Variants in MGAT5 observed in about 807,000 individuals in gnomAD.
The protein encoded by MGAT5 is alpha-1,6-mannosylglycoprotein 6-beta-N-acetylglucosaminyltransferase.
MGAT5 carries 30 observed loss-of-function variants against 94.3 expected under a neutral mutation model. The ratio of observed to expected loss-of-function variants is 0.32; its 90% CI spans 0.24 to 0.43. The LOEUF (loss-of-function observed/expected upper bound fraction) is 0.43. Among genes scored for constraint, MGAT5 ranks in the 20% least tolerant of loss-of-function variants. The pLI is 1.00. For synonymous variants in MGAT5, 310 were observed against 322.9 expected (o/e 0.96, Z 0.43); for missense variants, 691 against 905.5 (o/e 0.76, Z 3.04).
chr2:134,420,606 G>T (rs540568486), intron 12 of MGAT5, among the ~76,000 whole-genome samples: 93 of 151,140 alleles, frequency 6.2e-4, no homozygotes, highest in African/African-American at 2.2e-3. Flanking sequence ...AATTCCTCTA[G>T]CCCTGTGAGT....
At chr2:134,291,448 A>G (rs1360526021) in intron 2 of MGAT5, among the ~76,000 whole-genome samples, 1 of 152,204 alleles carries the variant, frequency 6.6e-6, no homozygotes, top group Non-Finnish European at 1.5e-5. Flanking sequence ...ATGAGAAATA[A>G]AAGTCTGTGG....
intron 12 of MGAT5, among the ~76,000 whole-genome samples, chr2:134,420,756 AT>A (rs1216534742): frequency 3.3e-5 from 5 of 152,134 alleles, no homozygotes; most frequent in African/African-American, 1.2e-4. Context: ...ATGAGATGAA[AT>A]TTGTAAATTA....
chr2:134,323,545 C>A (rs988081375), intron 4 of MGAT5, among the ~76,000 whole-genome samples: 1 of 152,080 alleles, frequency 6.6e-6, no homozygotes, highest in African/African-American at 2.4e-5. Flanking sequence ...GAGGTCAAGT[C>A]GCTTATCCCC....
intron 2 of MGAT5, among the ~76,000 whole-genome samples, chr2:134,286,962 G>T (rs1488792466): frequency 6.6e-6 from 1 of 152,154 alleles, no homozygotes; most frequent in Non-Finnish European, 1.5e-5. Context: ...GATGTTTCCT[G>T]TGCCTGGTGT....
At chr2:134,203,652 G>A (rs1679901793) in intron 1 of MGAT5, among the ~76,000 whole-genome samples, 1 of 152,016 alleles carries the variant, frequency 6.6e-6, no homozygotes, top group Non-Finnish European at 1.5e-5. Flanking sequence ...CCTTGAGCAA[G>A]TCACTCCACC....
intron 10 of MGAT5, among the ~76,000 whole-genome samples, chr2:134,392,563 G>A (rs1405088627): frequency 6.6e-6 from 1 of 152,138 alleles, no homozygotes; most frequent in Admixed American, 6.5e-5. Flanking sequence ...GGGAAGGAAG[G>A]AGCCCAAGAG....
intron 11 of MGAT5, among the ~76,000 whole-genome samples, chr2:134,407,342 T>C (rs1683401010): frequency 1.3e-5 from 2 of 152,146 alleles, no homozygotes; most frequent in South Asian, 4.2e-4. Flanking sequence ...TTCAAGTCAT[T>C]CCCATGCCAT....
chr2:134,446,619 T>G (rs1420813511), intron 15 of MGAT5, among the ~76,000 whole-genome samples: 1 of 152,190 alleles, frequency 6.6e-6, no homozygotes, highest in Non-Finnish European at 1.5e-5. Context: ...AAAAATTGAC[T>G]TCCTGCCCTC....
intron 1 of MGAT5, among the ~76,000 whole-genome samples, chr2:134,181,996 A>C (rs1688756371): frequency 6.6e-6 from 1 of 152,226 alleles, no homozygotes; most frequent in African/African-American, 2.4e-5. Context: ...GTGTGTGATC[A>C]CTAGGAGATT....
chr2:134,329,601 G>C (rs1478894642), intron 4 of MGAT5, among the ~76,000 whole-genome samples: 1 of 152,088 alleles, frequency 6.6e-6, no homozygotes, highest in Non-Finnish European at 1.5e-5. Context: ...TCTGGGGCAA[G>C]ACAGGTGGCA....
chr2:134,391,223 G>T (rs1682384293), intron 10 of MGAT5, among the ~76,000 whole-genome samples: 1 of 152,072 alleles, frequency 6.6e-6, no homozygotes, highest in Non-Finnish European at 1.5e-5. Flanking sequence ...TGCCGTTAGT[G>T]ATCTGCTTGA....
chr2:134,366,159 C>A (rs559994799), intron 10 of MGAT5, among the ~76,000 whole-genome samples: 2 of 152,304 alleles, frequency 1.3e-5, no homozygotes, highest in African/African-American at 4.8e-5. Flanking sequence ...TCTAATCATT[C>A]GCTCCTGCTA....
At chr2:134,275,707 T>G (rs1403916516) in intron 2 of MGAT5, among the ~76,000 whole-genome samples, 5 of 150,658 alleles carry the variant, frequency 3.3e-5, no homozygotes, top group African/African-American at 1.2e-4. Flanking sequence ...CTCAGCCTTC[T>G]GAGTAGCTGG....
intron 1 of MGAT5, among the ~76,000 whole-genome samples, chr2:134,176,405 C>G (rs116105242): frequency 0.01 from 1,537 of 151,970 alleles, 28 homozygotes; most frequent in African/African-American, 0.035. Context: ...AACCCCTTCT[C>G]TGTTAAAAAT....
At chr2:134,140,731 A>G (rs1182424361) in intron 1 of MGAT5, among the ~76,000 whole-genome samples, 1 of 152,228 alleles carries the variant, frequency 6.6e-6, no homozygotes, top group East Asian at 1.9e-4. Flanking sequence ...CCATTGATTT[A>G]TCTATTCATG....
At chr2:134,217,410 A>G (rs1680555669) in intron 1 of MGAT5, among the ~76,000 whole-genome samples, 2 of 152,146 alleles carry the variant, frequency 1.3e-5, no homozygotes, top group Admixed American at 6.5e-5. Context: ...TTTTCATTGT[A>G]TGTATGTGAA....
intron 2 of MGAT5, among the ~76,000 whole-genome samples, chr2:134,275,337 A>G (rs1243789592): frequency 1.3e-5 from 2 of 152,236 alleles, no homozygotes; most frequent in African/African-American, 4.8e-5. Context: ...CCCTTGTCAG[A>G]AGCTATTCTT....
intron 1 of MGAT5, among the ~76,000 whole-genome samples, chr2:134,172,629 T>TG (rs1688271879): frequency 1.3e-5 from 2 of 152,106 alleles, no homozygotes; most frequent in Admixed American, 6.5e-5. Flanking sequence ...CTCGTGATTC[T>TG]CCCGCCTCGA....
chr2:134,381,382 T>TTAGATAGATTAGA (rs1553457735), intron 10 of MGAT5, among the ~76,000 whole-genome samples: 5 of 108,512 alleles, frequency 4.6e-5, no homozygotes, highest in Admixed American at 3.0e-4. Context: ...ATAAGATAGA[T>TTAGATAGATTAGA]TAGATAGATA....
Sources: allele counts gnomAD v4.1 joint callset (sites outside exome capture counted in the v4.1 genomes callset), GRCh38; gene constraint gnomAD v4.1.1; transcripts MANE v1.5; gene names NCBI Gene and HGNC (gene_info 2026-07-23, HGNC 2026-07-21).